Variants in MTSS1 observed in about 807,000 individuals in gnomAD.
The protein encoded by MTSS1 is MTSS I-BAR domain containing 1.
MTSS1 carries 18 observed loss-of-function variants against 79.0 expected under a neutral mutation model. The ratio of observed to expected loss-of-function variants is 0.23; its 90% CI spans 0.16 to 0.34. MTSS1 has a LOEUF of 0.34. Among genes scored for constraint, MTSS1 ranks in the 10% least tolerant of loss-of-function variants. MTSS1 has a pLI of 1.00. For missense variants in MTSS1, 815 were observed against 986.2 expected (o/e 0.83, Z 2.33); for synonymous variants, 341 against 368.6 (o/e 0.93, Z 0.86).
chr8:124,572,738 CTTTTCTTTTT>C (rs1199929494), intron 6 of MTSS1, among the ~76,000 whole-genome samples: 1 of 132,430 alleles, frequency 7.6e-6, no homozygotes, highest in Non-Finnish European at 1.6e-5. Flanking sequence ...TCTTTCTTTT[CTTTTCTTTTT>C]TTTTTTTTTT....
intron 7 of MTSS1, 138 bp from the exon 8 acceptor site, chr8:124,567,316 T>C (rs1431618023): frequency 2.7e-6 from 2 of 745,822 alleles, no homozygotes; most frequent in Non-Finnish European, 4.4e-6. Context: ...GGCAAATCTT[T>C]GCTGAAGGCA....
At chr8:124,653,743 C>CA (rs1820440976) in intron 3 of MTSS1, among the ~76,000 whole-genome samples, 1 of 152,046 alleles carries the variant, frequency 6.6e-6, no homozygotes, top group African/African-American at 2.4e-5. Flanking sequence ...CAAAACAAAA[C>CA]AAACACAAAA....
At chr8:124,606,714 T>C (rs1304335605) in intron 3 of MTSS1, among the ~76,000 whole-genome samples, 1 of 148,596 alleles carries the variant, frequency 6.7e-6, no homozygotes, top group Non-Finnish European at 1.5e-5. Context: ...CCCCCGAACA[T>C]CTGTTTTATC....
chr8:124,668,967 A>G (rs1176224654), intron 3 of MTSS1, among the ~76,000 whole-genome samples: 1 of 152,220 alleles, frequency 6.6e-6, no homozygotes, highest in African/African-American at 2.4e-5. Flanking sequence ...AATGAATACA[A>G]ACCTCACTGT....
intron 1 of MTSS1, among the ~76,000 whole-genome samples, chr8:124,714,748 T>C (rs969794973): frequency 1.3e-5 from 2 of 152,190 alleles, no homozygotes; most frequent in Non-Finnish European, 2.9e-5. Flanking sequence ...ATTACAGGCA[T>C]GAGCCACCAC....
intron 3 of MTSS1, among the ~76,000 whole-genome samples, chr8:124,697,731 C>T (rs1829077866): frequency 6.6e-6 from 1 of 152,230 alleles, no homozygotes; most frequent in African/African-American, 2.4e-5. Context: ...TTCTTCTCTA[C>T]GGTTGTATTT....
At chr8:124,709,626 T>C (rs905348249) in intron 1 of MTSS1, among the ~76,000 whole-genome samples, 2 of 152,000 alleles carry the variant, frequency 1.3e-5, no homozygotes, top group Non-Finnish European at 2.9e-5. Flanking sequence ...ACAACTCAGA[T>C]TACACTGGGT....
chr8:124,649,625 T>A (rs1239696604), intron 3 of MTSS1, among the ~76,000 whole-genome samples: 1 of 152,174 alleles, frequency 6.6e-6, no homozygotes, highest in East Asian at 1.9e-4. Context: ...ATGACCCTAC[T>A]GACCACTGTT....
intron 10 of MTSS1, among the ~76,000 whole-genome samples, chr8:124,559,256 CTT>C (rs1824743753): frequency 6.6e-6 from 1 of 152,278 alleles, no homozygotes; most frequent in African/African-American, 2.4e-5. Context: ...TGTCACCTCT[CTT>C]ATGTGCATAG....
intron 3 of MTSS1, among the ~76,000 whole-genome samples, chr8:124,697,569 A>C (rs1341771674): frequency 1.3e-5 from 2 of 152,158 alleles, no homozygotes; most frequent in Admixed American, 6.5e-5. Context: ...TCAAAAAAAA[A>C]CAAAAAACAA....
chr8:124,617,155 T>G (rs10505448), intron 3 of MTSS1, among the ~76,000 whole-genome samples: 39,962 of 152,100 alleles, frequency 0.26, 7,112 homozygotes, highest in African/African-American at 0.5. Flanking sequence ...ATGCCTAATG[T>G]TTTTTCCAGA....
At chr8:124,638,017 C>T (rs201474447) in intron 3 of MTSS1, among the ~76,000 whole-genome samples, 1 of 152,236 alleles carries the variant, frequency 6.6e-6, no homozygotes, top group African/African-American at 2.4e-5. Context: ...CTGGGAGCAG[C>T]GTAGTACTTC....
intron 3 of MTSS1, among the ~76,000 whole-genome samples, chr8:124,602,207 A>ATATATATATAT: frequency 1.4e-5 from 2 of 142,238 alleles, no homozygotes; most frequent in African/African-American, 2.7e-5. Context: ...ATATATATAT[A>ATATATATATAT]ATTTTTTTTT....
At chr8:124,616,220 T>G (rs1180228666) in intron 3 of MTSS1, among the ~76,000 whole-genome samples, 1 of 152,190 alleles carries the variant, frequency 6.6e-6, no homozygotes, top group African/African-American at 2.4e-5. Flanking sequence ...ACAGACAAGA[T>G]TCCACTGCAA....
chr8:124,627,680 G>T (rs1418876572), intron 3 of MTSS1, among the ~76,000 whole-genome samples: 1 of 152,200 alleles, frequency 6.6e-6, no homozygotes, highest in Non-Finnish European at 1.5e-5. Context: ...TGGCGGGGGG[G>T]TCCCCCAGGG....
chr8:124,585,210 A>T (rs754166551), intron 5 of MTSS1, 49 bp from the exon 6 acceptor site: 12 of 1,392,188 alleles, frequency 8.6e-6, no homozygotes, highest in Admixed American at 1.8e-5. Flanking sequence ...GCTTAACAGA[A>T]AATATGTTAG....
At chr8:124,666,419 A>G (rs1159174307) in intron 3 of MTSS1, among the ~76,000 whole-genome samples, 1 of 152,250 alleles carries the variant, frequency 6.6e-6, no homozygotes, top group Non-Finnish European at 1.5e-5. Flanking sequence ...CTCTGACAGG[A>G]AAGTGCACTG....
intron 3 of MTSS1, among the ~76,000 whole-genome samples, chr8:124,642,975 T>C (rs1476866533): frequency 6.6e-6 from 1 of 152,234 alleles, no homozygotes; most frequent in African/African-American, 2.4e-5. Flanking sequence ...GAGCCAGCCA[T>C]TGTGAGAACT....
At chr8:124,646,286 G>C (rs76115355) in intron 3 of MTSS1, among the ~76,000 whole-genome samples, 1,864 of 152,216 alleles carry the variant, frequency 0.012, 37 homozygotes, top group African/African-American at 0.043. Flanking sequence ...GTTACATACT[G>C]AACACTTCAC....
Sources: allele counts gnomAD v4.1 joint callset (sites outside exome capture counted in the v4.1 genomes callset), GRCh38; gene constraint gnomAD v4.1.1; transcripts MANE v1.5; gene names NCBI Gene and HGNC (gene_info 2026-07-23, HGNC 2026-07-21).